Variants in WDFY4 observed in about 807,000 individuals in gnomAD.
The protein encoded by WDFY4 is WDFY family member 4, also known as WD repeat- and FYVE domain-containing protein 4.
In WDFY4, 169 loss-of-function variants were observed where a neutral mutation model predicts 351.9. The ratio of observed to expected loss-of-function variants is 0.48; its 90% CI spans 0.42 to 0.55. WDFY4 has a LOEUF of 0.55. Among genes scored for constraint, WDFY4 ranks in the 20% least tolerant of loss-of-function variants. WDFY4 has a pLI of 0.00. For missense variants in WDFY4, 3,803 were observed against 3,935.6 expected (o/e 0.97, Z 0.90); for synonymous variants, 1,622 against 1,574.6 (o/e 1.03, Z -0.71).
At position 48,743,124 on chromosome 10, in the gene WDFY4, G is replaced by A. The variant is rs1321123151; in HGVS notation, c.2035G>A (p.Glu679Lys). The change falls in exon 12 of 62, where the codon GAG becomes AAG. Residue 679 changes from glutamate (E) to lysine (K), a missense_variant. Physicochemically the swap from Glu to Lys is moderately conservative, Grantham distance 56. This residue lies in a region of WDFY4 where 3,054 missense variants were observed against 3,148.6 expected (regional missense o/e 0.97). Transcript: ENST00000325239. ...AGCAGTATCCCCCAGACAGACCCTG[G>A]AGCTGGTTTTGTACACTCTCTGTGC... ...WGAVSPRQTL[E>K]LVLYTLCAVS... 1.9e-6 allele frequency: 3 copies of A among 1,551,606 alleles called. No individual in the cohort carries two copies. In the East Asian group the frequency reaches 7.3e-5, roughly 38 times the overall value.
chr10:48,787,744 A>T (rs2066450190), intron 20 of WDFY4, among the ~76,000 whole-genome samples: 1 of 151,794 alleles, frequency 6.6e-6, no homozygotes, highest in South Asian at 2.1e-4. Flanking sequence ...TGGTAAGACA[A>T]ATCTTGGGAG....
rs930215859 is a variant in WDFY4, at chr10:48,874,482, G to A, written c.6949-607G>A. The stretch of plus-strand genomic sequence containing the variant: ...GTAACAATGTTGAGTTTATTCTCTC[G>A]TCTGTAACCTCAGCATCTTTTACTC... On this transcript the variant is annotated intron_variant, in intron 41 of 61. Transcript: ENST00000325239. 7.2e-5 allele frequency among the ~76,000 whole-genome samples: 11 copies of A among 151,936 alleles called. No homozygotes were observed. In the East Asian group the frequency reaches 1.4e-3, roughly 19 times the overall value.
intron 50 of WDFY4, 101 bp from the exon 51 acceptor site, chr10:48,946,759 A>G (rs1466317611): frequency 2.1e-5 from 18 of 844,714 alleles, no homozygotes; most frequent in Non-Finnish European, 3.3e-5. Flanking sequence ...GTCAATGAAT[A>G]TATGTTTTTA....
intron 44 of WDFY4, among the ~76,000 whole-genome samples, 184 bp from the exon 45 acceptor site, chr10:48,897,270 G>A (rs1411530690): frequency 1.3e-5 from 2 of 152,218 alleles, no homozygotes; most frequent in African/African-American, 4.8e-5. Context: ...ACATGGGCAA[G>A]CACTCAGCAA....
intron 47 of WDFY4, 149 bp downstream of exon 47, chr10:48,902,012 A>G: frequency 5.4e-6 from 4 of 735,428 alleles, no homozygotes; most frequent in Non-Finnish European, 9.2e-6. Context: ...TACATCCTTC[A>G]TCCTACTCCT....
intron 52 of WDFY4, among the ~76,000 whole-genome samples, chr10:48,959,089 A>G (rs947879549): frequency 1.3e-5 from 2 of 152,172 alleles, no homozygotes; most frequent in Admixed American, 6.5e-5. Flanking sequence ...CTTAAATTTT[A>G]CAGGTGGAAA....
chr10:48,969,239 C>T lies in WDFY4; in HGVS notation c.8760C>T (p.Gly2920=). 6.4e-7 allele frequency: 1 copy of T among 1,551,364 alleles called. No individual in the cohort carries two copies. ...DDFSCCLGSY[G]SDKVLMTFEN... ...TCAGCTGCTGCTTGGGGAGCTACGGCTCCGACAAGGTGAGGGGGCTGCAGG... is the reference window on the plus strand; with the variant it reads ...TCAGCTGCTGCTTGGGGAGCTACGGTTCCGACAAGGTGAGGGGGCTGCAGG... Residue 2920 remains glycine, a synonymous_variant, in exon 56 of 62, where the codon GGC becomes GGT. Coordinates refer to ENST00000325239, the MANE Select transcript of WDFY4 (RefSeq NM_001394531.1).
At chr10:48,963,087 T>A (rs372412643) in intron 53 of WDFY4, among the ~76,000 whole-genome samples, 24 of 152,274 alleles carry the variant, frequency 1.6e-4, no homozygotes, top group African/African-American at 5.8e-4. Context: ...TTCTGAGGAA[T>A]GAAAACTGGG....
In WDFY4 at chr10:48,830,374, A is replaced by G. The variant is rs563276954; in HGVS notation, c.6341-326A>G. Among the ~76,000 whole-genome samples the G allele has an allele frequency of 2.8e-4, 42 of 152,264 alleles. 1 individual carries two copies. The South Asian group carries it at 8.3e-3, about 30-fold the overall frequency. ...CACACAAGGTGTCCCTCTGGTATCCAACAGAATTATGGGGTGGAGAGTTGA... is the reference window on the plus strand; with the variant it reads ...CACACAAGGTGTCCCTCTGGTATCCGACAGAATTATGGGGTGGAGAGTTGA... On this transcript the variant is annotated intron_variant, in intron 37 of 61. Transcript: ENST00000325239.
At chr10:48,864,055 T>A (rs772993524) in intron 39 of WDFY4, among the ~76,000 whole-genome samples, 13 of 152,158 alleles carry the variant, frequency 8.5e-5, no homozygotes, top group Non-Finnish European at 1.3e-4. Context: ...ATTTGGGGGA[T>A]TGCAATTCAA....
At chr10:48,898,290 C>A (rs918235425) in intron 45 of WDFY4, among the ~76,000 whole-genome samples, 1 of 152,144 alleles carries the variant, frequency 6.6e-6, no homozygotes, top group Non-Finnish European at 1.5e-5. Context: ...ACTTCAGGGG[C>A]CCCCAGTGAC....
Position 48,822,411 on chromosome 10 carries a change from T to C in WDFY4, c.5856T>C (p.Ala1952=), listed in dbSNP as rs1320487119. The change falls in exon 35 of 62, where the codon GCT becomes GCC. Residue 1952 remains alanine (A), a synonymous_variant. Transcript: ENST00000325239. ...AAGAGCCTCAGCCAAGTGCAGAAGC[T>C]GCTGCTGCCCCTTCTCTTGCCAACA... ...DGKEPQPSAE[A]AAAPSLANIS... 5 of 1,550,224 alleles carry C rather than the reference T, an allele frequency of 3.2e-6. No homozygotes were observed. The Admixed American group carries it at 9.8e-5, about 30-fold the overall frequency.
intron 42 of WDFY4, 111 bp downstream of exon 42, chr10:48,875,251 A>C (rs913724936): frequency 1.8e-6 from 1 of 565,598 alleles, no homozygotes; most frequent in African/African-American, 2.0e-5. Context: ...ATGCTATTGT[A>C]GCCAGCCCTG....
chr10:48,919,000 C>A (rs979797663), intron 47 of WDFY4, among the ~76,000 whole-genome samples: 4 of 152,136 alleles, frequency 2.6e-5, no homozygotes, highest in East Asian at 3.8e-4. Context: ...AAGCACTCTA[C>A]CTAGCAACTG....
chr10:48,898,225 C>T (rs556176143), intron 45 of WDFY4, among the ~76,000 whole-genome samples: 2 of 152,338 alleles, frequency 1.3e-5, no homozygotes, highest in Admixed American at 1.3e-4. Flanking sequence ...TCCCACTTCA[C>T]AGATAGATCA....
intron 5 of WDFY4, among the ~76,000 whole-genome samples, chr10:48,725,231 G>A (rs1470149635): frequency 2.0e-5 from 3 of 152,238 alleles, no homozygotes; most frequent in African/African-American, 7.2e-5. Flanking sequence ...GAAGTAGCTT[G>A]TGATATTTGT....
At chr10:48,793,533 C>T (rs1431465161) in intron 23 of WDFY4, among the ~76,000 whole-genome samples, 4 of 152,110 alleles carry the variant, frequency 2.6e-5, no homozygotes, top group Admixed American at 2.6e-4. Flanking sequence ...AAAATGCAAC[C>T]TCCATCCTCC....
chr10:48,822,866 T>C (rs1005245413), intron 35 of WDFY4, among the ~76,000 whole-genome samples: 1 of 152,220 alleles, frequency 6.6e-6, no homozygotes, highest in African/African-American at 2.4e-5. Flanking sequence ...ATTGTTATTA[T>C]ACCTCCTCAG....
chr10:48,976,428 A>G, intron 58 of WDFY4: 1 of 166,478 alleles, frequency 6.0e-6, no homozygotes, highest in Middle Eastern at 2.7e-3. Context: ...TTTATGGGGC[A>G]GGGCTGACCT....
Sources: allele counts gnomAD v4.1 joint callset (sites outside exome capture counted in the v4.1 genomes callset), GRCh38; gene constraint gnomAD v4.1.1; regional missense constraint gnomAD v4.1.1; transcripts MANE v1.5; gene names NCBI Gene and HGNC (gene_info 2026-07-23, HGNC 2026-07-21).